The following FBLN7 variants were observed in gnomAD, a reference collection of about 807,000 sequenced individuals.
FBLN7 encodes the protein fibulin-7.
A neutral mutation model predicts 44.0 loss-of-function variants in FBLN7; 31 were observed. The observed-to-expected ratio is 0.70, with a 90% CI of 0.53 to 0.95. The LOEUF is 0.95. FBLN7 is among the 40% of genes least tolerant of loss of function. The pLI, the probability that FBLN7 is intolerant of heterozygous loss-of-function variation, is 0.00. For missense variants in FBLN7, 573 were observed against 618.5 expected, an observed-to-expected ratio of 0.93 and a Z score of 0.78; for synonymous variants, 262 against 253.4, an observed-to-expected ratio of 1.03 and a Z score of -0.32.
the FBLN7 span, among the ~76,000 whole-genome samples, chr2:112,194,317 CT>C: frequency 6.6e-6 from 1 of 152,212 alleles, no homozygotes; most frequent in Admixed American, 6.5e-5. Flanking sequence ...AAAAATTCAT[CT>C]TTCCTTCCCT....
At chr2:112,171,546 T>C (rs1682460366) in intron 3 of FBLN7, among the ~76,000 whole-genome samples, 1 of 152,000 alleles carries the variant, frequency 6.6e-6, no homozygotes, top group South Asian at 2.1e-4. Context: ...TTTAAATATA[T>C]AGTAGACACT....
chr2:112,175,863 G>A (rs769506793), intron 4 of FBLN7, 24 bp downstream of exon 4: 1 of 1,611,188 alleles, frequency 6.2e-7, no homozygotes, highest in Non-Finnish European at 8.5e-7. Context: ...ATGGGGTTAG[G>A]TGAGGACATC....
downstream of FBLN7, among the ~76,000 whole-genome samples, chr2:112,192,345 G>A (rs1683518406): frequency 6.6e-6 from 1 of 152,142 alleles, no homozygotes; most frequent in Non-Finnish European, 1.5e-5. Flanking sequence ...GACGCCTCCA[G>A]TTCTCACATC....
At chr2:112,220,729 G>A in the FBLN7 span, among the ~76,000 whole-genome samples, 11 of 152,210 alleles carry the variant, frequency 7.2e-5, no homozygotes, top group Non-Finnish European at 1.5e-4. Flanking sequence ...GCTGAGGCAG[G>A]AGAATCACTT....
chr2:112,174,098 A>G (rs1046448137), intron 3 of FBLN7, among the ~76,000 whole-genome samples: 27 of 152,194 alleles, frequency 1.8e-4, no homozygotes, highest in African/African-American at 6.5e-4. Flanking sequence ...TGGTGTTCAC[A>G]TTTTCTGGCT....
chr2:112,175,526 C>A (rs1682696221), intron 3 of FBLN7, among the ~76,000 whole-genome samples, 188 bp from the exon 4 acceptor site: 1 of 152,212 alleles, frequency 6.6e-6, no homozygotes, highest in East Asian at 1.9e-4. Flanking sequence ...AATAGGGCTG[C>A]ATATCAGCCC....
rs1235330585 is a variant in FBLN7, at chr2:112,175,707, T to C, written c.407-7T>C. The stretch of plus-strand genomic sequence containing the variant: ...TCCGTATATTTGAAAATTATTTATC[T>C]TCCTAGGTATCAGTGAATGCTCCAG... On this transcript the variant is annotated splice_polypyrimidine_tract_variant and splice_region_variant and intron_variant, in intron 3 of 7. Transcript: ENST00000331203. 1 of 1,613,912 alleles carries C rather than the reference T, an allele frequency of 6.2e-7. No homozygotes were observed. The highest frequency in any genetic ancestry group is 1.7e-5 in the Admixed American group (1 of 59,958).
chr2:112,239,132 T>A, the FBLN7 span, among the ~76,000 whole-genome samples: 2 of 152,228 alleles, frequency 1.3e-5, no homozygotes, highest in Non-Finnish European at 2.9e-5. Flanking sequence ...AAGAGTTTCC[T>A]AACTCTGTTG....
At chr2:112,193,209 G>A (rs1683544176), downstream of FBLN7, among the ~76,000 whole-genome samples, 1 of 152,220 alleles carries the variant, frequency 6.6e-6, no homozygotes, top group South Asian at 2.1e-4. Context: ...GGGTGGCCAA[G>A]GCGAGTGGAT....
intron 1 of FBLN7, among the ~76,000 whole-genome samples, chr2:112,145,192 C>A (rs1451072666): frequency 6.6e-6 from 1 of 152,184 alleles, no homozygotes; most frequent in Admixed American, 6.5e-5. Flanking sequence ...TCCCTAATGA[C>A]TAATGACATT....
intron 2 of FBLN7, among the ~76,000 whole-genome samples, chr2:112,162,475 G>A (rs374100990): frequency 6.6e-6 from 1 of 152,092 alleles, no homozygotes; most frequent in East Asian, 1.9e-4. Context: ...GGTTCATCCA[G>A]AGCAGCCTCA....
downstream of FBLN7, chr2:112,188,407 T>C (rs1055286266): frequency 6.6e-6 from 1 of 152,122 alleles, no homozygotes; most frequent in African/African-American, 2.4e-5. Flanking sequence ...TACCTGGCCG[T>C]GGAGAGTTTA....
At chr2:112,234,807 A>C in the FBLN7 span, among the ~76,000 whole-genome samples, 2 of 150,590 alleles carry the variant, frequency 1.3e-5, no homozygotes, top group Admixed American at 6.6e-5. Context: ...CTCAGGGAGA[A>C]AAAAAAAAAA....
intron 3 of FBLN7, among the ~76,000 whole-genome samples, chr2:112,171,093 G>A (rs1162665040): frequency 6.6e-6 from 1 of 152,184 alleles, no homozygotes; most frequent in Non-Finnish European, 1.5e-5. Context: ...GACATATTAC[G>A]TTAAAATGGC....
chr2:112,138,416 G>A lies in FBLN7; in HGVS notation c.-240G>A. The A allele has an allele frequency of 4.5e-6, 1 of 220,236 alleles. No individual in the cohort carries two copies. The allele number at this position is 220,236 out of a possible 1,614,324, so 13.6% of individuals were successfully genotyped here. ...CCAGGGGCCGGCGCCTCCCCGCCTC[G>A]CGCGGACTGTCTCGTGCGGGCAGCT... On this transcript the variant is annotated 5_prime_UTR_variant, in exon 1 of 8. Coordinates refer to ENST00000331203, the MANE Select transcript of FBLN7 (RefSeq NM_153214.3).
the FBLN7 span, among the ~76,000 whole-genome samples, chr2:112,234,899 A>G: frequency 1.3e-5 from 2 of 152,178 alleles, no homozygotes; most frequent in Non-Finnish European, 2.9e-5. Flanking sequence ...ACAAAGTTGG[A>G]AATCAGAGTG....
the FBLN7 span, among the ~76,000 whole-genome samples, chr2:112,229,235 T>C: frequency 6.6e-6 from 1 of 152,154 alleles, no homozygotes; most frequent in Non-Finnish European, 1.5e-5. Context: ...AGATTGGTTA[T>C]CCATGTGGGA....
intron 2 of FBLN7, among the ~76,000 whole-genome samples, chr2:112,161,716 G>A (rs1434333892): frequency 6.6e-6 from 1 of 152,210 alleles, no homozygotes; most frequent in Non-Finnish European, 1.5e-5. Flanking sequence ...AGATAGAAAG[G>A]CAGTTATTAT....
chr2:112,231,158 T>G, the FBLN7 span, among the ~76,000 whole-genome samples: 3 of 152,136 alleles, frequency 2.0e-5, no homozygotes, highest in Non-Finnish European at 4.4e-5. Flanking sequence ...AACTAAATAT[T>G]TGGTACAACT....
Sources: gnomAD v4.1 joint callset for allele counts (sites outside exome capture counted in the v4.1 genomes callset) on GRCh38, gnomAD v4.1.1 for gene constraint, MANE v1.5 for transcripts, NCBI Gene and HGNC (gene_info 2026-07-23, HGNC 2026-07-21) for gene names.